Variants in DNM3 observed in about 807,000 individuals in gnomAD.
DNM3 encodes dynamin-3.
DNM3 carries 47 observed loss-of-function variants against 101.6 expected under a neutral mutation model. The ratio of observed to expected loss-of-function variants is 0.46; its 90% CI spans 0.37 to 0.59. The LOEUF is 0.59. Among genes scored for constraint, DNM3 ranks in the 20% least tolerant of loss-of-function variants. The pLI, the probability that DNM3 is intolerant of heterozygous loss-of-function variation, is 0.00. For missense variants in DNM3, 849 were observed against 1,085.7 expected (o/e 0.78, Z 3.06); for synonymous variants, 385 against 387.9 (o/e 0.99, Z 0.09).
At chr1:171,852,468 C>T (rs952443238) in intron 1 of DNM3, among the ~76,000 whole-genome samples, 3 of 152,304 alleles carry the variant, frequency 2.0e-5, no homozygotes, top group East Asian at 3.9e-4. Context: ...CTCTGGTATG[C>T]AACAGCTCCT....
intron 1 of DNM3, among the ~76,000 whole-genome samples, chr1:171,857,912 G>GCT (rs145060647): frequency 5.9e-5 from 9 of 151,440 alleles, no homozygotes; most frequent in Non-Finnish European, 8.9e-5. Context: ...GCACTGGAGA[G>GCT]CTCTCTCTCT....
At chr1:172,041,966 C>A in intron 7 of DNM3, 43 bp from the exon 8 acceptor site, 3 of 1,542,774 alleles carry the variant, frequency 1.9e-6, no homozygotes, top group Non-Finnish European at 2.6e-6. Flanking sequence ...AGTGCAAAGG[C>A]TTGTAACTTT....
intron 14 of DNM3, chr1:172,137,790 C>T (rs554841337): frequency 1.3e-5 from 2 of 152,172 alleles, no homozygotes; most frequent in Non-Finnish European, 1.5e-5. Context: ...TAATTTTATC[C>T]ATCTTCCCAC....
In DNM3 at chr1:172,098,240, C is replaced by T. The variant is rs528256182; in HGVS notation, c.1545+5365C>T. Among the ~76,000 whole-genome samples the T allele has an allele frequency of 1.2e-3, 181 of 152,230 alleles. 4 individuals carry two copies. The South Asian group carries it at 0.025, about 21-fold the overall frequency. On this transcript the variant is annotated intron_variant, in intron 13 of 20. Coordinates refer to ENST00000627582, the MANE Select transcript of DNM3 (RefSeq NM_015569.5). ...TTCGACCGTAAAAGACAGCCACCCCCGAAGCGGCCATTTTAGAGGCCTACC... is the reference window on the plus strand; with the variant it reads ...TTCGACCGTAAAAGACAGCCACCCCTGAAGCGGCCATTTTAGAGGCCTACC...
At chr1:172,140,696 A>G (rs535816084) in intron 14 of DNM3, 1 of 152,072 alleles carries the variant, frequency 6.6e-6, no homozygotes, top group South Asian at 2.1e-4. Context: ...AGCCAGAAAA[A>G]CCACAACAGT....
intron 1 of DNM3, among the ~76,000 whole-genome samples, chr1:171,887,696 A>G (rs1196048428): frequency 1.3e-5 from 2 of 152,124 alleles, no homozygotes; most frequent in Non-Finnish European, 2.9e-5. Flanking sequence ...GCTGTATTTT[A>G]ACATTTCTTT....
intron 2 of DNM3, among the ~76,000 whole-genome samples, chr1:171,940,463 G>C (rs140586505): frequency 1.3e-5 from 2 of 152,246 alleles, no homozygotes; most frequent in East Asian, 3.9e-4. Flanking sequence ...TATTTAAAGA[G>C]ACCTGAGTTT....
At position 172,270,260 on chromosome 1, in the gene DNM3, A is replaced by G. The variant is rs1025216060; in HGVS notation, c.1769+16578A>G. Reference sequence around the variant, plus strand: ...CCTTGCCTAGGAGTTCTTGAATTTGAAAAAAAAAAAAAAGCCTTTAAGCCA... The same window carrying G: ...CCTTGCCTAGGAGTTCTTGAATTTGGAAAAAAAAAAAAAGCCTTTAAGCCA... On this transcript the variant is annotated intron_variant, in intron 15 of 20. Transcript: ENST00000627582. Among the ~76,000 whole-genome samples, 11 of 139,464 alleles carry G rather than the reference A, an allele frequency of 7.9e-5. No homozygotes were observed. The East Asian group carries it at 8.1e-4, about 10-fold the overall frequency. 91.5% of individuals were successfully genotyped at this position (139,464 alleles called of 152,430 possible).
chr1:172,379,125 C>A lies in DNM3; in HGVS notation c.2001C>A (p.Ile667=), dbSNP rs1471337527. ...TCGTAGACTCCTACATGTCCATTAT[C>A]AACAAATGTATCCGAGATCTAATTC... ...RNLVDSYMSI[I]NKCIRDLIPK... is the part of the protein sequence containing the mutation. Residue 667 remains isoleucine, a synonymous_variant, in exon 18 of 21, where the codon ATC becomes ATA. Transcript: ENST00000627582. 4 of 1,611,618 alleles carry A rather than the reference C, an allele frequency of 2.5e-6. No homozygotes were observed. The African/African-American group carries it at 5.3e-5, about 22-fold the overall frequency.
At chr1:172,104,422 C>T (rs920761469) in intron 13 of DNM3, among the ~76,000 whole-genome samples, 4 of 151,964 alleles carry the variant, frequency 2.6e-5, no homozygotes, top group East Asian at 1.9e-4. Flanking sequence ...AACTTACCGG[C>T]GAGGATAAAT....
intron 2 of DNM3, among the ~76,000 whole-genome samples, chr1:171,978,647 G>A (rs913246683): frequency 6.6e-6 from 1 of 152,180 alleles, no homozygotes; most frequent in Non-Finnish European, 1.5e-5. Context: ...ATGATGTGAT[G>A]TATGTTTTAA....
chr1:171,930,790 C>T (rs1026396555), intron 2 of DNM3, among the ~76,000 whole-genome samples: 3 of 152,210 alleles, frequency 2.0e-5, no homozygotes, highest in Admixed American at 1.3e-4. Flanking sequence ...GCTGTATTTA[C>T]TTGCCCCTTC....
At chr1:172,239,800 C>CTTTTTTTTTTTTTT (rs71107343) in intron 14 of DNM3, among the ~76,000 whole-genome samples, 1 of 108,398 alleles carries the variant, frequency 9.2e-6, no homozygotes, top group Non-Finnish European at 1.7e-5. Flanking sequence ...TTTTTTTTCT[C>CTTTTTTTTTTTTTT]TTTTTTTTTT....
chr1:171,875,435 C>G (rs1558196856), intron 1 of DNM3, among the ~76,000 whole-genome samples: 1 of 152,080 alleles, frequency 6.6e-6, no homozygotes, highest in Non-Finnish European at 1.5e-5. Context: ...GCTGTTGTAC[C>G]TTTTTTTCTT....
intron 10 of DNM3, among the ~76,000 whole-genome samples, chr1:172,054,519 A>G (rs1283027866): frequency 6.6e-6 from 1 of 152,020 alleles, no homozygotes; most frequent in Non-Finnish European, 1.5e-5. Context: ...TTTTTTTTTA[A>G]CCACAGTTTA....
chr1:171,947,075 A>G (rs2042217748), intron 2 of DNM3, among the ~76,000 whole-genome samples: 1 of 152,216 alleles, frequency 6.6e-6, no homozygotes, highest in African/African-American at 2.4e-5. Context: ...AATGCTAGGC[A>G]GTTTGGTGAA....
chr1:172,231,406 A>G (rs2061331626), intron 14 of DNM3, among the ~76,000 whole-genome samples: 1 of 152,168 alleles, frequency 6.6e-6, no homozygotes, highest in Non-Finnish European at 1.5e-5. Flanking sequence ...AGGAAAACTA[A>G]CAAACAGAAA....
At chr1:172,264,078 T>C (rs2062768643) in intron 15 of DNM3, among the ~76,000 whole-genome samples, 1 of 152,148 alleles carries the variant, frequency 6.6e-6, no homozygotes, top group African/African-American at 2.4e-5. Flanking sequence ...GCAAAAGAGT[T>C]AGCATCATAG....
intron 17 of DNM3, among the ~76,000 whole-genome samples, chr1:172,375,393 C>G (rs1170544543): frequency 6.6e-6 from 1 of 151,982 alleles, no homozygotes; most frequent in Non-Finnish European, 1.5e-5. Context: ...TAACCCATAC[C>G]CTTCCAGCCT....
Sources: allele counts gnomAD v4.1 joint callset (sites outside exome capture counted in the v4.1 genomes callset), GRCh38; gene constraint gnomAD v4.1.1; transcripts MANE v1.5; gene names NCBI Gene and HGNC (gene_info 2026-07-23, HGNC 2026-07-21).